The following KHDC1 variants were observed in gnomAD, a reference collection of about 807,000 sequenced individuals.
KHDC1 encodes KH domain containing 1.
Under a neutral mutation model 24.7 loss-of-function variants are expected in KHDC1, and 21 were observed. That is an observed-to-expected ratio of 0.85 (90% CI 0.60 to 1.23). The LOEUF (loss-of-function observed/expected upper bound fraction) is 1.23, where lower values mean the gene tolerates loss of function less well. KHDC1 is among the 50% of genes most tolerant of loss of function. KHDC1 has a pLI of 0.00. For synonymous variants in KHDC1, 98 were observed against 111.7 expected (o/e 0.88, Z 0.77); for missense variants, 274 against 298.5 (o/e 0.92, Z 0.61).
At chr6:73,245,421 C>T (rs886999172) in intron 2 of KHDC1, among the ~76,000 whole-genome samples, 3 of 152,060 alleles carry the variant, frequency 2.0e-5, no homozygotes, top group African/African-American at 4.8e-5. Context: ...ATTGTTGTTA[C>T]CTATTAAAAG....
intron 1 of KHDC1, among the ~76,000 whole-genome samples, chr6:73,307,173 G>A (rs1016854868): frequency 6.6e-6 from 1 of 152,150 alleles, no homozygotes; most frequent in Non-Finnish European, 1.5e-5. Flanking sequence ...GCTCATGCCT[G>A]TAATCCCAGC....
At chr6:73,292,012 T>G in exon 2 of KHDC1, 1 of 1,614,060 alleles carries the variant, frequency 6.2e-7, no homozygotes, top group South Asian at 1.1e-5. Context: ...TGGATCGGCA[T>G]CTAGTCTTTC....
chr6:73,307,531 C>CCA lies in KHDC1; in HGVS notation c.163+2019_163+2020dup, dbSNP rs988028501. Among the ~76,000 whole-genome samples, 28 of 152,160 alleles carry CCA rather than the reference C, an allele frequency of 1.8e-4. 1 individual carries two copies. The highest frequency in any genetic ancestry group is 7.9e-4 in the Admixed American group (12 of 15,266). On this transcript the variant is annotated intron_variant, in intron 1 of 4. Transcript: ENST00000370384. ...CCATTACAGATTTAAGAACAATTGC[C>CCA]CACACACACATCCATTTCCCTGTCC...
intron 1 of KHDC1, among the ~76,000 whole-genome samples, chr6:73,294,697 G>A (rs1170397886): frequency 6.6e-6 from 1 of 152,128 alleles, no homozygotes; most frequent in Non-Finnish European, 1.5e-5. Context: ...AACTGATATA[G>A]TTTGGATATG....
intron 2 of KHDC1, among the ~76,000 whole-genome samples, chr6:73,277,588 T>C (rs1437520929): frequency 1.6e-4 from 24 of 152,124 alleles, no homozygotes; most frequent in Admixed American, 1.5e-3. Flanking sequence ...CAATTGCTTA[T>C]ATCTGTAATC....
chr6:73,251,829 G>A (rs1192837629), intron 2 of KHDC1, among the ~76,000 whole-genome samples: 1 of 139,232 alleles, frequency 7.2e-6, no homozygotes, highest in Non-Finnish European at 1.5e-5. Flanking sequence ...ACAGGGTGTC[G>A]TTTTGTCCTC....
Position 73,304,449 on chromosome 6 carries a change from GC to G in KHDC1, c.163+5102del, listed in dbSNP as rs564829702. The stretch of plus-strand genomic sequence containing the variant: ...AGACTGAGAGCCATGAATGGGAGAG[GC>G]TTTTCATGTTTTATTTTTATAAATA... On this transcript the variant is annotated intron_variant, in intron 1 of 4. Coordinates refer to ENST00000370384, the Ensembl canonical transcript of KHDC1. 4.8e-4 allele frequency among the ~76,000 whole-genome samples: 73 copies of G among 152,110 alleles called. 1 individual carries two copies. Among genetic ancestry groups the G allele is most frequent in the African/African-American group, 1.6e-3 (66 of 41,492 alleles).
intron 2 of KHDC1, chr6:73,276,418 T>C (rs34531450): frequency 0.28 from 42,002 of 151,288 alleles, 6,464 homozygotes; most frequent in African/African-American, 0.42. Flanking sequence ...ACCCAGAGTG[T>C]GGAAGTTGCA....
chr6:73,292,053 T>C lies in KHDC1; in HGVS notation c.164-13A>G, dbSNP rs759525891. 1.9e-6 allele frequency: 3 copies of C among 1,613,858 alleles called. No individual in the cohort carries two copies. The Admixed American group carries it at 5.0e-5, about 27-fold the overall frequency. On this transcript the variant is annotated splice_polypyrimidine_tract_variant and intron_variant, in intron 1 of 4. Transcript: ENST00000370384. ...CTTGAGTTTCTCTCTGTAAAGGAGA[T>C]ATATAAAGAAAAGGAATTATTACAA...
intron 1 of KHDC1, chr6:73,292,211 C>A: frequency 6.9e-7 from 1 of 1,443,322 alleles, no homozygotes; most frequent in Non-Finnish European, 9.8e-7. Context: ...ACTGAAACAG[C>A]TTCAGGCAGA....
chr6:73,251,530 T>C (rs966545196), intron 2 of KHDC1, among the ~76,000 whole-genome samples: 3 of 152,228 alleles, frequency 2.0e-5, no homozygotes, highest in African/African-American at 4.8e-5. Context: ...CAGAAAAATA[T>C]TGACATCTAA....
intron 4 of KHDC1, 76 bp downstream of exon 3, chr6:73,241,979 G>T: frequency 6.8e-7 from 1 of 1,466,098 alleles, no homozygotes; most frequent in Non-Finnish European, 9.2e-7. Flanking sequence ...GATTCTTCAA[G>T]AATCCAAGAT....
At chr6:73,255,796 C>T (rs561148143) in intron 2 of KHDC1, among the ~76,000 whole-genome samples, 6 of 150,564 alleles carry the variant, frequency 4.0e-5, no homozygotes, top group African/African-American at 1.5e-4. Context: ...CAGCTACTCA[C>T]GAGGCTGAGA....
chr6:73,308,500 C>G (rs1010887144), intron 1 of KHDC1, among the ~76,000 whole-genome samples: 2 of 151,528 alleles, frequency 1.3e-5, no homozygotes, highest in Non-Finnish European at 2.9e-5. Flanking sequence ...AGTGAACCAC[C>G]GCGTCCGGCT....
intron 2 of KHDC1, chr6:73,275,046 T>C (rs575612440): frequency 1.3e-5 from 2 of 152,470 alleles, no homozygotes; most frequent in Admixed American, 1.3e-4. Context: ...CAAGGGATTC[T>C]CTCTAATTTC....
At chr6:73,285,047 G>C (rs899429810) in intron 2 of KHDC1, among the ~76,000 whole-genome samples, 1 of 152,066 alleles carries the variant, frequency 6.6e-6, no homozygotes, top group African/African-American at 2.4e-5. Flanking sequence ...GTTTCACCAT[G>C]TTGGCCAGGC....
intron 2 of KHDC1, among the ~76,000 whole-genome samples, chr6:73,257,012 G>T (rs1055085574): frequency 6.6e-6 from 1 of 152,156 alleles, no homozygotes; most frequent in Non-Finnish European, 1.5e-5. Context: ...GGCATGGCCA[G>T]TGGGGCACGG....
chr6:73,295,375 G>T (rs1365905679), intron 1 of KHDC1, among the ~76,000 whole-genome samples: 4 of 152,234 alleles, frequency 2.6e-5, no homozygotes, highest in African/African-American at 9.6e-5. Context: ...CCAATCTCAG[G>T]TATTTTTTTT....
At chr6:73,285,646 T>C (rs1189517197) in intron 2 of KHDC1, among the ~76,000 whole-genome samples, 6 of 145,750 alleles carry the variant, frequency 4.1e-5, no homozygotes, top group Admixed American at 1.4e-4. Flanking sequence ...TTTTCTTTTT[T>C]TTCTTTTTTT....
Sources: gnomAD v4.1 joint callset for allele counts (sites outside exome capture counted in the v4.1 genomes callset) on GRCh38, gnomAD v4.1.1 for gene constraint, MANE v1.5 for transcripts, NCBI Gene and HGNC (gene_info 2026-07-23, HGNC 2026-07-21) for gene names.